The following XNDC1N variants were observed in gnomAD, a reference collection of about 807,000 sequenced individuals.
The protein encoded by XNDC1N is XRCC1 N-terminal domain containing 1, N-terminal like.
At chr11:71,876,301 T>A in the XNDC1N span, among the ~76,000 whole-genome samples, 1 of 152,232 alleles carries the variant, frequency 6.6e-6, no homozygotes, top group African/African-American at 2.4e-5. Flanking sequence ...GATAGCTTGA[T>A]AGCTATCTGA....
At chr11:71,892,842 T>C in the XNDC1N span, among the ~76,000 whole-genome samples, 10 of 152,130 alleles carry the variant, frequency 6.6e-5, no homozygotes, top group South Asian at 2.1e-4. Flanking sequence ...ATTCAATTCA[T>C]TTGGAAACAC....
the XNDC1N span, among the ~76,000 whole-genome samples, chr11:71,887,640 A>G: frequency 6.6e-6 from 1 of 152,216 alleles, no homozygotes; most frequent in African/African-American, 2.4e-5. Context: ...CAAGGTATCC[A>G]GGTCCATCTC....
the XNDC1N span, among the ~76,000 whole-genome samples, chr11:71,904,918 G>A: frequency 1.2e-4 from 19 of 152,016 alleles, no homozygotes; most frequent in African/African-American, 4.6e-4. Flanking sequence ...ATACCCCTAG[G>A]ACATTACGAA....
At chr11:71,899,539 T>C in the XNDC1N span, among the ~76,000 whole-genome samples, 4 of 152,166 alleles carry the variant, frequency 2.6e-5, no homozygotes, top group Non-Finnish European at 1.5e-5. Flanking sequence ...CACAAAAACA[T>C]GTGTTGTATG....
chr11:71,873,567 TA>T, the XNDC1N span, among the ~76,000 whole-genome samples: 1 of 152,134 alleles, frequency 6.6e-6, no homozygotes, highest in Non-Finnish European at 1.5e-5. Context: ...CTGAATGAAA[TA>T]GGGGGACAGA....
At chr11:71,884,288 T>G in the XNDC1N span, 5 of 1,200,230 alleles carry the variant, frequency 4.2e-6, no homozygotes, top group Admixed American at 1.8e-4. Context: ...CTTTTGCTGT[T>G]GTTTTTGTTT....
the XNDC1N span, among the ~76,000 whole-genome samples, chr11:71,866,294 GCTGT>G: frequency 6.6e-6 from 1 of 152,046 alleles, no homozygotes; most frequent in Non-Finnish European, 1.5e-5. Context: ...CTGGGGAAAG[GCTGT>G]CTGTGCCTTT....
the XNDC1N span, among the ~76,000 whole-genome samples, chr11:71,886,411 C>T: frequency 2.6e-5 from 4 of 152,012 alleles, no homozygotes; most frequent in Non-Finnish European, 5.9e-5. Context: ...ACCCAGTTGC[C>T]AGGAACAGAC....
the XNDC1N span, chr11:71,928,113 G>A: frequency 3.6e-6 from 1 of 274,914 alleles, no homozygotes; most frequent in Admixed American, 4.9e-5. Flanking sequence ...TAAGGCAGAA[G>A]CTGGGGCCGC....
the XNDC1N span, among the ~76,000 whole-genome samples, chr11:71,880,145 A>G: frequency 6.6e-6 from 1 of 152,214 alleles, no homozygotes; most frequent in East Asian, 1.9e-4. Flanking sequence ...GTGCCTCAGA[A>G]AAGATAAATA....
chr11:71,880,167 A>G, the XNDC1N span, among the ~76,000 whole-genome samples: 10 of 152,324 alleles, frequency 6.6e-5, no homozygotes, highest in African/African-American at 2.2e-4. Context: ...GTCAATTGAT[A>G]ATCTAAATCT....
At chr11:71,873,220 C>A in the XNDC1N span, among the ~76,000 whole-genome samples, 4 of 152,124 alleles carry the variant, frequency 2.6e-5, no homozygotes, top group African/African-American at 4.8e-5. Flanking sequence ...TGCTTTCATA[C>A]TTTCATGAAT....
chr11:71,892,957 C>T, the XNDC1N span, among the ~76,000 whole-genome samples: 1 of 141,488 alleles, frequency 7.1e-6, no homozygotes. Flanking sequence ...AAAACTCTTC[C>T]GATTGAGAAT....
the XNDC1N span, among the ~76,000 whole-genome samples, chr11:71,874,048 C>A: frequency 1.3e-5 from 2 of 152,284 alleles, no homozygotes; most frequent in Admixed American, 1.3e-4. Flanking sequence ...GGCCCAGTGG[C>A]TCACACCCAT....
At chr11:71,923,904 A>AG in the XNDC1N span, among the ~76,000 whole-genome samples, 4 of 152,104 alleles carry the variant, frequency 2.6e-5, no homozygotes, top group East Asian at 7.7e-4. Context: ...GAGTGGTGGC[A>AG]GGGAGTAGGT....
the XNDC1N span, chr11:71,928,254 C>T: frequency 3.6e-6 from 2 of 559,766 alleles, no homozygotes; most frequent in South Asian, 2.2e-5. Flanking sequence ...CAAGCCGCAC[C>T]GCTGCTTTCA....
chr11:71,915,254 G>A, the XNDC1N span, among the ~76,000 whole-genome samples: 1 of 152,060 alleles, frequency 6.6e-6, no homozygotes, highest in African/African-American at 2.4e-5. Flanking sequence ...TGAGACCACC[G>A]TGGCTAACAC....
chr11:71,908,440 C>T, the XNDC1N span, among the ~76,000 whole-genome samples: 1 of 151,756 alleles, frequency 6.6e-6, no homozygotes, highest in Non-Finnish European at 1.5e-5. Flanking sequence ...ATTATTAGCG[C>T]CAATTAATAA....
the XNDC1N span, among the ~76,000 whole-genome samples, chr11:71,918,577 T>C: frequency 6.6e-6 from 1 of 152,170 alleles, no homozygotes; most frequent in Non-Finnish European, 1.5e-5. Flanking sequence ...CCATTGTGCC[T>C]GGCCGGGATT....
Sources: gnomAD v4.1 joint callset for allele counts (sites outside exome capture counted in the v4.1 genomes callset) on GRCh38, gnomAD v4.1.1 for gene constraint, MANE v1.5 for transcripts, NCBI Gene and HGNC (gene_info 2026-07-23, HGNC 2026-07-21) for gene names.